FRMD5: variants seen among roughly 807,000 people sequenced by gnomAD.
FRMD5 encodes the protein FERM domain containing 5, also known as FERM domain-containing protein 5.
In FRMD5, 20 loss-of-function variants were observed where a neutral mutation model predicts 69.0. The ratio of observed to expected loss-of-function variants is 0.29; its 90% confidence interval spans 0.20 to 0.42. The LOEUF (loss-of-function observed/expected upper bound fraction) is 0.42. Ranked by LOEUF, FRMD5 falls within the 10% of genes least tolerant of loss-of-function variation. The probability of loss-of-function intolerance (pLI) is 1.00; values close to 1 mark genes in which losing one functional copy is unlikely to be tolerated. For synonymous variants in FRMD5, 271 were observed against 260.1 expected (o/e 1.04, Z -0.40); for missense variants, 595 against 708.6 (o/e 0.84, Z 1.82).
At chr15:44,052,125 T>G (rs1473097331) in intron 1 of FRMD5, among the ~76,000 whole-genome samples, 1 of 152,172 alleles carries the variant, frequency 6.6e-6, no homozygotes, top group Non-Finnish European at 1.5e-5. Flanking sequence ...TCATGGGAGA[T>G]TTGTCTTTTC....
At position 43,905,819 on chromosome 15, in the gene FRMD5, G is replaced by A. The variant is rs1231940659; in HGVS notation, c.551+9C>T. ...CACAATGTTCTGGGCCTGATTAAGT[G>A]CCACGTACCTCAGTTCCGTCTTGTG... On this transcript the variant is annotated intron_variant, in intron 6 of 13. Coordinates refer to ENST00000417257, the MANE Select transcript of FRMD5 (RefSeq NM_032892.5). 1.2e-6 allele frequency: 2 copies of A among 1,613,838 alleles called. No homozygotes were observed. Among genetic ancestry groups the A allele is most frequent in the Admixed American group, 1.7e-5 (1 of 60,018 alleles).
chr15:43,902,611 G>A (rs2089073519), intron 6 of FRMD5, among the ~76,000 whole-genome samples: 1 of 149,894 alleles, frequency 6.7e-6, no homozygotes, highest in Non-Finnish European at 1.5e-5. Context: ...GATTGCTTGA[G>A]CCCAGGAGTG....
intron 1 of FRMD5, among the ~76,000 whole-genome samples, chr15:43,973,495 G>C (rs2090418719): frequency 6.6e-6 from 1 of 151,500 alleles, no homozygotes; most frequent in South Asian, 2.1e-4. Context: ...AGCCTCCTGA[G>C]TAGCTGGGAT....
chr15:44,142,996 A>G (rs572708396), intron 1 of FRMD5, among the ~76,000 whole-genome samples: 1 of 152,214 alleles, frequency 6.6e-6, no homozygotes, highest in Admixed American at 6.5e-5. Context: ...AGGCTGAGGC[A>G]GGAGAATCGC....
intron 1 of FRMD5, among the ~76,000 whole-genome samples, chr15:43,935,852 G>A (rs1292322802): frequency 6.6e-6 from 1 of 152,182 alleles, no homozygotes; most frequent in Admixed American, 6.5e-5. Context: ...GTTATTTGAA[G>A]GCCAAAAAGT....
intron 1 of FRMD5, among the ~76,000 whole-genome samples, chr15:44,105,458 C>A (rs2076703438): frequency 6.6e-6 from 1 of 152,110 alleles, no homozygotes. Context: ...AGCAGAGTGA[C>A]CAAGGCGCTA....
At chr15:43,995,743 G>A (rs1889889376) in intron 1 of FRMD5, among the ~76,000 whole-genome samples, 1 of 152,106 alleles carries the variant, frequency 6.6e-6, no homozygotes, top group South Asian at 2.1e-4. Context: ...GGACTGGCCT[G>A]AAGACTGGGT....
intron 1 of FRMD5, among the ~76,000 whole-genome samples, chr15:43,945,339 T>A (rs916070310): frequency 6.6e-6 from 1 of 152,088 alleles, no homozygotes; most frequent in Non-Finnish European, 1.5e-5. Context: ...ACTCCCTTCA[T>A]TAAAAATGTC....
chr15:44,106,097 T>C (rs1320427915), intron 1 of FRMD5, among the ~76,000 whole-genome samples: 1 of 152,192 alleles, frequency 6.6e-6, no homozygotes, highest in African/African-American at 2.4e-5. Context: ...CCATCCACAG[T>C]TGGTTGAATC....
At chr15:43,936,435 T>G (rs531924645) in intron 1 of FRMD5, among the ~76,000 whole-genome samples, 2 of 152,250 alleles carry the variant, frequency 1.3e-5, no homozygotes, top group East Asian at 3.9e-4. Context: ...AAGGGGTCCT[T>G]CTGCCTTGGC....
At chr15:44,046,717 C>T (rs1892443765) in intron 1 of FRMD5, among the ~76,000 whole-genome samples, 1 of 152,172 alleles carries the variant, frequency 6.6e-6, no homozygotes, top group Non-Finnish European at 1.5e-5. Context: ...TAAGCAGTTC[C>T]TAACCTTTTT....
chr15:44,012,501 T>G (rs1301603903), intron 1 of FRMD5, among the ~76,000 whole-genome samples: 1 of 152,232 alleles, frequency 6.6e-6, no homozygotes. Context: ...AACTGTTCTA[T>G]TCATAGATGA....
At chr15:44,028,846 G>A (rs1306404118) in intron 1 of FRMD5, among the ~76,000 whole-genome samples, 1 of 152,194 alleles carries the variant, frequency 6.6e-6, no homozygotes, top group East Asian at 1.9e-4. Context: ...CCAAGGGACT[G>A]TCTGAATTAC....
intron 1 of FRMD5, among the ~76,000 whole-genome samples, chr15:44,172,094 CT>C (rs35080273): frequency 1.4e-3 from 200 of 140,438 alleles, no homozygotes; most frequent in Middle Eastern, 3.9e-3. Context: ...TATCACTACA[CT>C]TTTTTTTTTT....
intron 1 of FRMD5, among the ~76,000 whole-genome samples, chr15:44,075,014 T>C (rs1482882584): frequency 6.6e-6 from 1 of 152,214 alleles, no homozygotes. Context: ...TGAGCAGCCA[T>C]TACAGTGCCT....
At chr15:43,886,393 G>A (rs1398191406) in intron 10 of FRMD5, among the ~76,000 whole-genome samples, 1 of 152,152 alleles carries the variant, frequency 6.6e-6, no homozygotes, top group Non-Finnish European at 1.5e-5. Flanking sequence ...ATTTGAATTT[G>A]GAGCCTTTCT....
At chr15:44,060,865 C>G (rs143072614) in intron 1 of FRMD5, among the ~76,000 whole-genome samples, 1 of 152,238 alleles carries the variant, frequency 6.6e-6, no homozygotes, top group East Asian at 1.9e-4. Flanking sequence ...TGAGACAGGC[C>G]CCTGTGTGCA....
chr15:43,873,687 T>C lies in FRMD5; in HGVS notation c.*198A>G. Reference sequence around the variant, plus strand: ...AATAACTTCTGAAGAAAATGAGTTTTCCCAGTTTGTTTAGACAGGGCATGA... The same window carrying C: ...AATAACTTCTGAAGAAAATGAGTTTCCCCAGTTTGTTTAGACAGGGCATGA... On this transcript the variant is annotated 3_prime_UTR_variant, in exon 14 of 14. Transcript: ENST00000417257. 6.6e-7 allele frequency: 1 copy of C among 1,512,278 alleles called. No homozygotes were observed. The highest frequency in any genetic ancestry group is 8.8e-7 in the Non-Finnish European group (1 of 1,140,350). The allele number at this position is 1,512,278 out of a possible 1,614,324, so 93.7% of individuals were successfully genotyped here.
At chr15:44,035,591 C>CA (rs1403632189) in intron 1 of FRMD5, among the ~76,000 whole-genome samples, 6 of 152,062 alleles carry the variant, frequency 3.9e-5, no homozygotes, top group Admixed American at 3.9e-4. Context: ...TTTTCTTGGC[C>CA]AAAAAATGCC....
Sources: gnomAD v4.1 joint callset for allele counts (sites outside exome capture counted in the v4.1 genomes callset) on GRCh38, gnomAD v4.1.1 for gene constraint, MANE v1.5 for transcripts, NCBI Gene and HGNC (gene_info 2026-07-23, HGNC 2026-07-21) for gene names.